The following ERBB4 variants were observed in gnomAD, a reference collection of about 807,000 sequenced individuals.
The protein encoded by ERBB4 is erb-b2 receptor tyrosine kinase 4.
A neutral mutation model predicts 158.0 loss-of-function variants in ERBB4; 42 were observed. The ratio of observed to expected loss-of-function variants is 0.27; its 90% confidence interval spans 0.21 to 0.34. The LOEUF (loss-of-function observed/expected upper bound fraction) is 0.34. Ranked by LOEUF, ERBB4 falls within the 10% of genes least tolerant of loss-of-function variation. The pLI, the probability that ERBB4 is intolerant of heterozygous loss-of-function variation, is 1.00. For synonymous variants in ERBB4, 583 were observed against 558.7 expected, an observed-to-expected ratio of 1.04 and a Z score of -0.61; for missense variants, 1,333 against 1,624.1, an observed-to-expected ratio of 0.82 and a Z score of 3.08.
intron 1 of ERBB4, among the ~76,000 whole-genome samples, chr2:212,247,296 G>T (rs1260589599): frequency 2.0e-5 from 3 of 152,044 alleles, no homozygotes; most frequent in African/African-American, 7.2e-5. Flanking sequence ...AAAACATTTA[G>T]AATTGCACCT....
chr2:212,165,323 T>C (rs917758040), intron 1 of ERBB4, among the ~76,000 whole-genome samples: 1 of 151,814 alleles, frequency 6.6e-6, no homozygotes, highest in East Asian at 1.9e-4. Context: ...TATATATATA[T>C]ATTTACTGAG....
intron 14 of ERBB4, among the ~76,000 whole-genome samples, chr2:211,671,158 C>T (rs2071823330): frequency 6.6e-6 from 1 of 151,842 alleles, no homozygotes; most frequent in Admixed American, 6.6e-5. Flanking sequence ...AATATTATTA[C>T]TTGAATGTAT....
chr2:211,613,040 G>A (rs895871356), intron 19 of ERBB4, among the ~76,000 whole-genome samples: 3 of 151,982 alleles, frequency 2.0e-5, no homozygotes, highest in African/African-American at 7.2e-5. Flanking sequence ...TTCAAGGTGT[G>A]CTAGACTTGG....
rs1182226451 is a variant in ERBB4 at position 211,704,116 on chromosome 2, C to T, written c.1277G>A (p.Arg426Lys). The T allele has an allele frequency of 6.2e-7, 1 of 1,602,132 alleles. No individual in the cohort carries two copies. Among genetic ancestry groups the T allele is most frequent in the East Asian group, 2.2e-5 (1 of 44,774 alleles). The change falls in exon 11 of 28, where the codon AGA becomes AAA. Residue 426 changes from arginine (R) to lysine (K), a missense_variant. Physicochemically the swap from Arg to Lys is conservative, Grantham distance 26 (BLOSUM62 2). Transcript: ENST00000342788. ...CATATCCACTTACCTATAGAGTACTCTTCCACCAATGGTCACCAGGTTAGA... is the reference window on the plus strand; with the variant it reads ...CATATCCACTTACCTATAGAGTACTTTTCCACCAATGGTCACCAGGTTAGA... Reference protein sequence around the residue: ...VFSNLVTIGGRVLYSGLSLLI... With the variant: ...VFSNLVTIGGKVLYSGLSLLI...
rs552406327 is a variant in ERBB4, at chr2:211,671,694, A to T, written c.1716+1470T>A. On this transcript the variant is annotated intron_variant, in intron 14 of 27. Transcript: ENST00000342788. ...TTAATTATACATTTTGAAAAGTTTC[A>T]GTCTCTCAGAAAGAGATTTTTTCAT... is the stretch of plus-strand genomic sequence containing the variant. Among the ~76,000 whole-genome samples the T allele has an allele frequency of 2.6e-5, 4 of 152,310 alleles. No individual in the cohort carries two copies. In the South Asian group the frequency reaches 8.3e-4, roughly 32 times the overall value.
intron 2 of ERBB4, among the ~76,000 whole-genome samples, chr2:211,993,183 T>C (rs1043320946): frequency 1.6e-4 from 24 of 152,170 alleles, no homozygotes; most frequent in African/African-American, 5.8e-4. Flanking sequence ...GGAGATAGGA[T>C]CTTTAAGGAG....
At chr2:212,278,800 T>C (rs1321525754) in intron 1 of ERBB4, among the ~76,000 whole-genome samples, 1 of 151,648 alleles carries the variant, frequency 6.6e-6, no homozygotes, top group Non-Finnish European at 1.5e-5. Flanking sequence ...AAGAAAAGGT[T>C]AACTTGCCTC....
At chr2:212,384,948 AAC>A (rs1473399961) in intron 1 of ERBB4, among the ~76,000 whole-genome samples, 9 of 142,810 alleles carry the variant, frequency 6.3e-5, no homozygotes, top group African/African-American at 1.0e-4. Context: ...CACACACACA[AAC>A]ACACACACAT....
At chr2:212,274,939 C>G (rs942840534) in intron 1 of ERBB4, among the ~76,000 whole-genome samples, 5 of 151,820 alleles carry the variant, frequency 3.3e-5, no homozygotes, top group African/African-American at 4.8e-5. Flanking sequence ...TACCCACCAG[C>G]AGGCCCCACT....
At chr2:211,867,671 T>C (rs927291727) in intron 3 of ERBB4, among the ~76,000 whole-genome samples, 4 of 152,188 alleles carry the variant, frequency 2.6e-5, no homozygotes, top group Admixed American at 1.3e-4. Context: ...TGGGTGATCA[T>C]CCTGCCTCAA....
At chr2:211,399,398 T>C (rs574038228) in intron 25 of ERBB4, among the ~76,000 whole-genome samples, 21 of 152,194 alleles carry the variant, frequency 1.4e-4, no homozygotes, top group South Asian at 2.1e-4. Context: ...AGTGGCTCTA[T>C]TGATGAAAAA....
chr2:211,594,402 G>A (rs1022134014), intron 19 of ERBB4, among the ~76,000 whole-genome samples: 8 of 151,676 alleles, frequency 5.3e-5, no homozygotes, highest in African/African-American at 1.9e-4. Flanking sequence ...TCGCACCACT[G>A]CACTCCAGCC....
In ERBB4 at chr2:211,979,998, C is replaced by T. The variant is rs547810679; in HGVS notation, c.235-32382G>A. Among the ~76,000 whole-genome samples, 7 of 152,256 alleles carry T rather than the reference C, an allele frequency of 4.6e-5. No homozygotes were observed. In the South Asian group the frequency reaches 1.5e-3, roughly 32 times the overall value. Reference sequence around the variant, plus strand: ...TATGTCTTCAAATATAGAAGAGTTGCTAACATGCTGAGAGTGAGATTCCTC... The same window carrying T: ...TATGTCTTCAAATATAGAAGAGTTGTTAACATGCTGAGAGTGAGATTCCTC... On this transcript the variant is annotated intron_variant, in intron 2 of 27. Coordinates refer to ENST00000342788, the MANE Select transcript of ERBB4 (RefSeq NM_005235.3).
chr2:211,856,721 A>G (rs2077876164), intron 3 of ERBB4, among the ~76,000 whole-genome samples: 2 of 152,164 alleles, frequency 1.3e-5, no homozygotes, highest in Admixed American at 1.3e-4. Flanking sequence ...TGGAGGAAAG[A>G]AAGCAGACTT....
chr2:211,818,441 C>T (rs2076924536), intron 3 of ERBB4, among the ~76,000 whole-genome samples: 1 of 151,926 alleles, frequency 6.6e-6, no homozygotes, highest in South Asian at 2.1e-4. Flanking sequence ...GATACGTTAG[C>T]TGGGTTTCGA....
At chr2:211,774,038 T>C (rs1205343645) in intron 4 of ERBB4, among the ~76,000 whole-genome samples, 2 of 152,036 alleles carry the variant, frequency 1.3e-5, no homozygotes, top group East Asian at 3.9e-4. Flanking sequence ...AGTACGGTCT[T>C]AGATTGTTCA....
chr2:211,869,453 T>C (rs1001018181), intron 3 of ERBB4, among the ~76,000 whole-genome samples: 12 of 152,178 alleles, frequency 7.9e-5, no homozygotes, highest in Non-Finnish European at 1.6e-4. Context: ...CCTGTAATAA[T>C]AGTTACATAG....
chr2:211,704,693 T>C (rs1165156134), intron 10 of ERBB4, among the ~76,000 whole-genome samples: 1 of 152,222 alleles, frequency 6.6e-6, no homozygotes, highest in African/African-American at 2.4e-5. Context: ...AAATAAATGC[T>C]ACATGTTATC....
At position 211,386,928 on chromosome 2, in the gene ERBB4, C is replaced by T. The variant is rs1456109926; in HGVS notation, c.3406G>A (p.Ala1136Thr). ...QRYSADPTVF[A>T]PERSPRGELD... ...TCTCCTCGTGGGCTCCGTTCTGGGG[C>T]AAACACGGTGGGGTCAGCACTGTAC... Residue 1136 changes from alanine (A) to threonine (T), a missense_variant, in exon 27 of 28, where the codon GCC (alanine) becomes ACC (threonine). Coordinates refer to ENST00000342788, the MANE Select transcript of ERBB4 (RefSeq NM_005235.3). 6.2e-7 allele frequency: 1 copy of T among 1,614,174 alleles called. No individual in the cohort carries two copies. Among genetic ancestry groups the T allele is most frequent in the Non-Finnish European group, 8.5e-7 (1 of 1,180,042 alleles).
Sources: gnomAD v4.1 joint callset for allele counts (sites outside exome capture counted in the v4.1 genomes callset) on GRCh38, gnomAD v4.1.1 for gene constraint, MANE v1.5 for transcripts, NCBI Gene and HGNC (gene_info 2026-07-23, HGNC 2026-07-21) for gene names.